The following DNAAF9 variants were observed in gnomAD, a reference collection of about 807,000 sequenced individuals.
The protein encoded by DNAAF9 is dynein axonemal assembly factor 9, also known as shulin.
DNAAF9 carries 90 observed loss-of-function variants against 167.0 expected under a neutral mutation model. The ratio of observed to expected loss-of-function variants is 0.54; its 90% confidence interval spans 0.45 to 0.64. DNAAF9 has a LOEUF of 0.64. Among genes scored for constraint, DNAAF9 ranks in the 30% least tolerant of loss-of-function variants. DNAAF9 has a pLI of 0.00. For missense variants in DNAAF9, 1,315 were observed against 1,442.2 expected (o/e 0.91, Z 1.43); for synonymous variants, 491 against 508.8 (o/e 0.96, Z 0.47).
At chr20:3,275,588 T>C (rs2068663131) in intron 29 of DNAAF9, among the ~76,000 whole-genome samples, 1 of 152,212 alleles carries the variant, frequency 6.6e-6, no homozygotes, top group Admixed American at 6.5e-5. Flanking sequence ...GCAAGAGGAT[T>C]ATCCCCAGCA....
intron 28 of DNAAF9, among the ~76,000 whole-genome samples, chr20:3,279,754 T>G (rs954288255): frequency 6.6e-6 from 1 of 152,190 alleles, no homozygotes; most frequent in Admixed American, 6.5e-5. Context: ...CTAAACACAC[T>G]AAGCTTGCCC....
Position 3,381,244 on chromosome 20 carries a change from T to C in DNAAF9, c.283+135A>G, listed in dbSNP as rs560383301. ...CAAAGAAAAAATGCCGTTTTTTTCA[T>C]TCTTTAAAAAGCAAACGTTTACTGG... On this transcript the variant is annotated intron_variant, in intron 3 of 36. Transcript: ENST00000252032. The C allele has an allele frequency of 2.5e-5, 17 of 684,754 alleles. No individual in the cohort carries two copies. In the South Asian group the frequency reaches 5.5e-4, roughly 22 times the overall value. The allele number at this position is 684,754 out of a possible 1,614,324, so 42.4% of individuals were successfully genotyped here.
At chr20:3,368,581 C>G (rs1187888720) in intron 6 of DNAAF9, among the ~76,000 whole-genome samples, 3 of 149,058 alleles carry the variant, frequency 2.0e-5, no homozygotes, top group Admixed American at 6.7e-5. Context: ...GGCATGATCT[C>G]AGCTCACTGA....
At chr20:3,356,892 A>C (rs1383882098) in intron 7 of DNAAF9, among the ~76,000 whole-genome samples, 1 of 152,180 alleles carries the variant, frequency 6.6e-6, no homozygotes, top group Non-Finnish European at 1.5e-5. Flanking sequence ...GTCAACTATA[A>C]CAAGGGCATG....
At position 3,407,471 on chromosome 20, in the gene DNAAF9, G is replaced by A. The variant is rs746348436; in HGVS notation, c.83+4C>T. 1.5e-6 allele frequency: 2 copies of A among 1,311,438 alleles called. No individual in the cohort carries two copies. The highest frequency in any genetic ancestry group is 1.9e-6 in the Non-Finnish European group (2 of 1,032,964). The allele number at this position is 1,311,438 out of a possible 1,614,324, so 81.2% of individuals were successfully genotyped here. ...CGCCCCTCGGCTGCCTCTGCCCCGCGTACCTGACGGAGGGTGACCCGCGGC... is the reference window on the plus strand; with the variant it reads ...CGCCCCTCGGCTGCCTCTGCCCCGCATACCTGACGGAGGGTGACCCGCGGC... On this transcript the variant is annotated splice_donor_region_variant and intron_variant, in intron 1 of 36. Coordinates refer to ENST00000252032, the MANE Select transcript of DNAAF9 (RefSeq NM_001009984.3).
chr20:3,319,527 T>C (rs2069577606), intron 16 of DNAAF9, among the ~76,000 whole-genome samples: 1 of 152,046 alleles, frequency 6.6e-6, no homozygotes, highest in Non-Finnish European at 1.5e-5. Flanking sequence ...ATGAGGGACA[T>C]GGGATAAGTA....
intron 25 of DNAAF9, among the ~76,000 whole-genome samples, chr20:3,291,345 GTTTT>G (rs1330690178): frequency 7.5e-6 from 1 of 133,596 alleles, no homozygotes; most frequent in East Asian, 2.2e-4. Context: ...AAGTTTTTTT[GTTTT>G]TTTTTTTTTT....
At chr20:3,305,518 G>A (rs1568593068) in intron 20 of DNAAF9, among the ~76,000 whole-genome samples, 1 of 152,246 alleles carries the variant, frequency 6.6e-6, no homozygotes, top group Non-Finnish European at 1.5e-5. Flanking sequence ...GATTCCTTAA[G>A]TTGTAGCTCC....
chr20:3,268,740 T>C (rs1403501638), intron 30 of DNAAF9, among the ~76,000 whole-genome samples: 2 of 152,158 alleles, frequency 1.3e-5, no homozygotes, highest in Admixed American at 1.3e-4. Context: ...TAAAAAGGTA[T>C]ATAACCTTTT....
rs531029660 is a variant in DNAAF9, at chr20:3,269,247, T to A, written c.2786+1180A>T. Reference sequence around the variant, plus strand: ...TTTTAATAGACAAAGTCTCACTACTTCGCTCAGGCTGGAGTGCAATGGTGT... The same window carrying A: ...TTTTAATAGACAAAGTCTCACTACTACGCTCAGGCTGGAGTGCAATGGTGT... On this transcript the variant is annotated intron_variant, in intron 30 of 36. Coordinates refer to ENST00000252032, the MANE Select transcript of DNAAF9 (RefSeq NM_001009984.3). 2.0e-5 allele frequency among the ~76,000 whole-genome samples: 3 copies of A among 150,562 alleles called. No individual in the cohort carries two copies. The South Asian group carries it at 6.4e-4, about 32-fold the overall frequency.
chr20:3,401,344 T>C (rs2083980866), intron 1 of DNAAF9, among the ~76,000 whole-genome samples: 1 of 152,114 alleles, frequency 6.6e-6, no homozygotes, highest in Non-Finnish European at 1.5e-5. Context: ...TAGCTGGGAT[T>C]ACAGGCACCC....
intron 30 of DNAAF9, among the ~76,000 whole-genome samples, chr20:3,266,267 T>C (rs1044180689): frequency 1.3e-5 from 2 of 152,214 alleles, no homozygotes; most frequent in Non-Finnish European, 2.9e-5. Context: ...AACATAGGTA[T>C]ACCAGACCTT....
intron 17 of DNAAF9, 97 bp from the exon 18 acceptor site, chr20:3,316,890 CTTTTTTT>C (rs11424663): frequency 8.4e-5 from 21 of 250,052 alleles, no homozygotes; most frequent in Middle Eastern, 1.2e-3. Context: ...AGCTAGGGTT[CTTTTTTT>C]TTTTTTTTTT....
chr20:3,362,620 G>A (rs1285742579), intron 6 of DNAAF9, among the ~76,000 whole-genome samples: 2 of 151,970 alleles, frequency 1.3e-5, no homozygotes, highest in African/African-American at 4.8e-5. Context: ...GTTGCCCTGT[G>A]CATTGTAGGC....
At position 3,288,794 on chromosome 20, in the gene DNAAF9, G is replaced by A. The variant is rs549508536; in HGVS notation, c.2328-1004C>T. On this transcript the variant is annotated intron_variant, in intron 26 of 36. Transcript: ENST00000252032. ...ATGAATGATTTTCCTGATTTCACCT[G>A]GGCCAACCTGTTCCAGCTGCATCTG... 5.3e-5 allele frequency among the ~76,000 whole-genome samples: 8 copies of A among 152,234 alleles called. No individual in the cohort carries two copies. The East Asian group carries it at 1.4e-3, about 26-fold the overall frequency.
intron 25 of DNAAF9, among the ~76,000 whole-genome samples, chr20:3,293,622 T>C (rs1230859715): frequency 2.2e-5 from 3 of 139,190 alleles, no homozygotes; most frequent in Non-Finnish European, 3.0e-5. Flanking sequence ...GGGGCGGAGG[T>C]TGCAGTGAGC....
chr20:3,255,432 T>C lies in DNAAF9; in HGVS notation c.3262-148A>G, dbSNP rs2068261558. On this transcript the variant is annotated intron_variant, in intron 34 of 36. Coordinates refer to ENST00000252032, the MANE Select transcript of DNAAF9 (RefSeq NM_001009984.3). ...GGCCTGGATATAATATTCTGTCTAG[T>C]CTGCTCTTTGAGAAAACCACTTTCC... 1.5e-5 allele frequency: 9 copies of C among 596,422 alleles called. No individual in the cohort carries two copies. In the Admixed American group the frequency reaches 2.4e-4, roughly 16 times the overall value. 36.9% of individuals were successfully genotyped at this position (596,422 alleles called of 1,614,324 possible).
At chr20:3,386,983 C>T (rs2083750206) in intron 1 of DNAAF9, among the ~76,000 whole-genome samples, 1 of 152,076 alleles carries the variant, frequency 6.6e-6, no homozygotes, top group African/African-American at 2.4e-5. Flanking sequence ...AGAAACTGGA[C>T]CACTCATATA....
In DNAAF9 at chr20:3,287,615, A is replaced by G. The variant is rs1400757465; in HGVS notation, c.2486+17T>C. 2.5e-6 allele frequency: 4 copies of G among 1,613,304 alleles called. No individual in the cohort carries two copies. The highest frequency in any genetic ancestry group is 4.5e-5 in the East Asian group (2 of 44,878). On this transcript the variant is annotated intron_variant, in intron 27 of 36. Transcript: ENST00000252032. ...TCACCCTGATTCGACTGTTTCCAGG[A>G]GACTTCCAATGCTCACCCTTGTAAC...
Sources: allele counts gnomAD v4.1 joint callset (sites outside exome capture counted in the v4.1 genomes callset), GRCh38; gene constraint gnomAD v4.1.1; transcripts MANE v1.5; gene names NCBI Gene and HGNC (gene_info 2026-07-23, HGNC 2026-07-21).